RAB35: variants seen among roughly 807,000 people sequenced by gnomAD.
The protein encoded by RAB35 is RAB35, member RAS oncogene family.
RAB35 carries 4 observed loss-of-function variants against 28.9 expected under a neutral mutation model. That is an observed-to-expected ratio of 0.14 (90% CI 0.07 to 0.32). The LOEUF (loss-of-function observed/expected upper bound fraction) is 0.32, where lower values mean the gene tolerates loss of function less well. RAB35 is among the 10% of genes least tolerant of loss of function. The probability of loss-of-function intolerance (pLI) is 1.00; values close to 1 mark genes in which losing one functional copy is unlikely to be tolerated. For synonymous variants in RAB35, 99 were observed against 105.1 expected (o/e 0.94, Z 0.35); for missense variants, 128 against 274.0 (o/e 0.47, Z 3.76).
intron 3 of RAB35, among the ~76,000 whole-genome samples, chr12:120,102,382 G>A (rs563383095): frequency 1.3e-5 from 2 of 152,126 alleles, no homozygotes; most frequent in Non-Finnish European, 2.9e-5. Flanking sequence ...TGCCAGCCCT[G>A]CCCCAGTGTC....
chr12:120,096,029 C>G lies in RAB35; in HGVS notation c.*1216G>C, dbSNP rs1008462929. ...GGCACTGGGGCGTGTCAAAACTGGCCGCCCCAGCCATTCCTTCCCACCCGC... is the reference window on the plus strand; with the variant it reads ...GGCACTGGGGCGTGTCAAAACTGGCGGCCCCAGCCATTCCTTCCCACCCGC... On this transcript the variant is annotated 3_prime_UTR_variant, in exon 6 of 6. Coordinates refer to ENST00000229340, the MANE Select transcript of RAB35 (RefSeq NM_006861.7). 5.4e-6 allele frequency: 1 copy of G among 184,956 alleles called. No individual in the cohort carries two copies. Among genetic ancestry groups the G allele is most frequent in the Non-Finnish European group, 1.1e-5 (1 of 88,010 alleles). The allele number at this position is 184,956 out of a possible 1,614,324, so 11.5% of individuals were successfully genotyped here.
intron 2 of RAB35, among the ~76,000 whole-genome samples, chr12:120,106,981 G>C (rs1875906580): frequency 6.6e-6 from 1 of 151,632 alleles, no homozygotes; most frequent in South Asian, 2.1e-4. Flanking sequence ...CATCTGTAAT[G>C]AACCTGATTT....
At position 120,103,005 on chromosome 12, in the gene RAB35, C is replaced by T. The variant is rs915321406; in HGVS notation, c.227+821G>A. On this transcript the variant is annotated intron_variant, in intron 3 of 5. Transcript: ENST00000229340. This position sits in a 1 kb window ranked among gnomAD's most constrained non-coding sequence, Gnocchi z 6.1. ...CACAGAGCTGCCAGACACCACACCC[C>T]GGCACGCACGTTGACGCCTGCAGCA... 3.3e-5 allele frequency among the ~76,000 whole-genome samples: 5 copies of T among 152,316 alleles called. No homozygotes were observed. The highest frequency in any genetic ancestry group is 7.2e-5 in the African/African-American group (3 of 41,578).
At chr12:120,113,442 T>A (rs997630861) in intron 1 of RAB35, among the ~76,000 whole-genome samples, 5 of 152,080 alleles carry the variant, frequency 3.3e-5, no homozygotes, top group African/African-American at 1.2e-4. Context: ...CATCTCCAAA[T>A]GAGGATGGCT....
chr12:120,114,165 T>C (rs898601338), intron 1 of RAB35, among the ~76,000 whole-genome samples: 1 of 152,132 alleles, frequency 6.6e-6, no homozygotes, highest in Non-Finnish European at 1.5e-5. Flanking sequence ...GCGATCTTGG[T>C]TCACTGCAAC....
intron 1 of RAB35, among the ~76,000 whole-genome samples, chr12:120,109,390 T>G (rs56105460): frequency 0.048 from 7,236 of 151,846 alleles, 362 homozygotes; most frequent in African/African-American, 0.12. Flanking sequence ...GAGGCGGAGG[T>G]TGCAGTGAGC....
In RAB35 at chr12:120,116,654, G is replaced by A; in HGVS notation, c.-4C>T. 3 of 1,224,558 alleles carry A rather than the reference G, an allele frequency of 2.4e-6. No individual in the cohort carries two copies. The highest frequency in any genetic ancestry group is 3.1e-6 in the Non-Finnish European group (3 of 983,144). 75.9% of individuals were successfully genotyped at this position (1,224,558 alleles called of 1,614,324 possible). ...GGTGGTCGTAGTCCCGGGCCATGGC[G>A]GGCGGGGGCGGTGCGCGCGGGCGGG... On this transcript the variant is annotated 5_prime_UTR_variant, in exon 1 of 6. Transcript: ENST00000229340.
chr12:120,096,865 G>T lies in RAB35; in HGVS notation c.*380C>A, dbSNP rs1405463828. Reference sequence around the variant, plus strand: ...TTGCAGTAAGATGGGCTGGGGAGGGGCGCGGGGAGGGTCTGTTGCAGCAGG... The same window carrying T: ...TTGCAGTAAGATGGGCTGGGGAGGGTCGCGGGGAGGGTCTGTTGCAGCAGG... On this transcript the variant is annotated 3_prime_UTR_variant, in exon 6 of 6. Transcript: ENST00000229340. 1.5e-6 allele frequency: 2 copies of T among 1,302,380 alleles called. No homozygotes were observed. The highest frequency in any genetic ancestry group is 3.0e-5 in the African/African-American group (2 of 66,510). The allele number at this position is 1,302,380 out of a possible 1,614,324, so 80.7% of individuals were successfully genotyped here.
At chr12:120,107,866 C>CAAAAAAAAA (rs57274207) in intron 2 of RAB35, among the ~76,000 whole-genome samples, 3 of 31,992 alleles carry the variant, frequency 9.4e-5, no homozygotes, top group Non-Finnish European at 1.4e-4. Flanking sequence ...GACTCCATCT[C>CAAAAAAAAA]AAAAAAAAAA....
intron 1 of RAB35, 178 bp from the exon 2 acceptor site, chr12:120,108,645 C>T (rs1403432921): frequency 9.9e-6 from 7 of 704,072 alleles, no homozygotes; most frequent in Admixed American, 2.0e-5. Flanking sequence ...AACATCTCTT[C>T]CACTCGATCC....
In RAB35 at chr12:120,096,760, A is replaced by G. The variant is rs141261867; in HGVS notation, c.*485T>C. On this transcript the variant is annotated 3_prime_UTR_variant, in exon 6 of 6. Transcript: ENST00000229340. ...GGCTGACAACCTGTCGGAGAGAATG[A>G]GCAACGCGGAGCCCACTCCACTGGC... 2.4e-3 allele frequency: 3,085 copies of G among 1,290,172 alleles called. 16 individuals carry two copies. The highest frequency in any genetic ancestry group is 3.0e-3 in the Admixed American group (131 of 43,582). The allele number at this position is 1,290,172 out of a possible 1,614,324, so 79.9% of individuals were successfully genotyped here.
In RAB35 at chr12:120,095,758, G is replaced by A. The variant is rs1164868086; in HGVS notation, c.*1487C>T. 6.6e-6 allele frequency: 1 copy of A among 152,186 alleles called. No individual in the cohort carries two copies. Among genetic ancestry groups the A allele is most frequent in the Non-Finnish European group, 1.5e-5 (1 of 68,066 alleles). 9.4% of individuals were successfully genotyped at this position (152,186 alleles called of 1,614,324 possible). A position where few individuals can be genotyped will look rare whatever the true frequency, so the allele number is the denominator to read the frequency against. ...GAGAGTCGGTGAGAAGAAACCCCCA[G>A]TTTTTATTGATTAAAAACCCATCCA... is the stretch of plus-strand genomic sequence containing the variant. On this transcript the variant is annotated 3_prime_UTR_variant, in exon 6 of 6. Coordinates refer to ENST00000229340, the MANE Select transcript of RAB35 (RefSeq NM_006861.7).
chr12:120,116,335 T>C (rs942211305), intron 1 of RAB35, among the ~76,000 whole-genome samples: 2 of 152,002 alleles, frequency 1.3e-5, no homozygotes, highest in African/African-American at 4.8e-5. Context: ...ACTCCAGAGA[T>C]CGCGCGACTT....
rs1486149966 is a variant in RAB35, at chr12:120,096,310, A to G, written c.*935T>C. 3.5e-5 allele frequency: 26 copies of G among 740,606 alleles called. No individual in the cohort carries two copies. Among genetic ancestry groups the G allele is most frequent in the Non-Finnish European group, 4.2e-5 (22 of 527,066 alleles). 45.9% of individuals were successfully genotyped at this position (740,606 alleles called of 1,614,324 possible). A position where few individuals can be genotyped will look rare whatever the true frequency, so the allele number is the denominator to read the frequency against. ...TTTTTTTCTAAAAACAGTGGACACA[A>G]GTGGGGTGGCCTCAACTTTTGCTGC... On this transcript the variant is annotated 3_prime_UTR_variant, in exon 6 of 6. Transcript: ENST00000229340.
intron 2 of RAB35, among the ~76,000 whole-genome samples, chr12:120,107,093 A>G (rs1311136705): frequency 6.6e-6 from 1 of 151,522 alleles, no homozygotes; most frequent in Non-Finnish European, 1.5e-5. Context: ...GATTCAAGCA[A>G]CTCTCCTGCC....
Position 120,096,859 on chromosome 12 carries a change from G to T in RAB35, c.*386C>A, listed in dbSNP as rs1330348841. On this transcript the variant is annotated 3_prime_UTR_variant, in exon 6 of 6. Transcript: ENST00000229340. ...CGCTGCTTGCAGTAAGATGGGCTGGGGAGGGGCGCGGGGAGGGTCTGTTGC... is the reference window on the plus strand; with the variant it reads ...CGCTGCTTGCAGTAAGATGGGCTGGTGAGGGGCGCGGGGAGGGTCTGTTGC... 1 of 1,301,338 alleles carries T rather than the reference G, an allele frequency of 7.7e-7. No individual in the cohort carries two copies. The highest frequency in any genetic ancestry group is 5.3e-5 in the East Asian group (1 of 18,894). 80.6% of individuals were successfully genotyped at this position (1,301,338 alleles called of 1,614,324 possible).
At chr12:120,097,456 C>A in intron 5 of RAB35, 83 bp from the exon 6 acceptor site, 2 of 1,116,774 alleles carry the variant, frequency 1.8e-6, no homozygotes, top group Non-Finnish European at 2.6e-6. Flanking sequence ...CCCCGCCTTC[C>A]GGGGCCCAGC....
intron 2 of RAB35, among the ~76,000 whole-genome samples, chr12:120,105,240 A>G (rs966402071): frequency 6.6e-6 from 1 of 152,222 alleles, no homozygotes; most frequent in African/African-American, 2.4e-5. Flanking sequence ...ACTCAAAAGC[A>G]AATAGCTGAG....
chr12:120,114,448 G>A lies in RAB35; in HGVS notation c.52+2151C>T, dbSNP rs572232656. On this transcript the variant is annotated intron_variant, in intron 1 of 5. Transcript: ENST00000229340. ...ACACAGGGGGCGGGTGAGAATAAGC[G>A]TCTGTGAAATCGTTCAACATATCTT... Among the ~76,000 whole-genome samples, 48 of 152,340 alleles carry A rather than the reference G, an allele frequency of 3.2e-4. 1 individual carries two copies. In the Middle Eastern group the frequency reaches 0.02, roughly 65 times the overall value.
Sources: gnomAD v4.1 joint callset for allele counts (sites outside exome capture counted in the v4.1 genomes callset) on GRCh38, gnomAD v4.1.1 for gene constraint, Gnocchi (gnomAD v3.1) non-coding constraint, MANE v1.5 for transcripts, NCBI Gene and HGNC (gene_info 2026-07-23, HGNC 2026-07-21) for gene names.